KIAA1549: variants seen among roughly 807,000 people sequenced by gnomAD.
KIAA1549 encodes KIAA1549.
In KIAA1549, 70 loss-of-function variants were observed where a neutral mutation model predicts 156.4. The ratio of observed to expected loss-of-function variants is 0.45; its 90% CI spans 0.37 to 0.55. The LOEUF (loss-of-function observed/expected upper bound fraction) is 0.55. KIAA1549 is among the 20% of genes least tolerant of loss of function. The probability of loss-of-function intolerance (pLI) is 0.00; values close to 1 mark genes in which losing one functional copy is unlikely to be tolerated. For synonymous variants in KIAA1549, 1,103 were observed against 1,066.4 expected, an observed-to-expected ratio of 1.03 and a Z score of -0.67; for missense variants, 2,428 against 2,540.9, an observed-to-expected ratio of 0.96 and a Z score of 0.96.
intron 14 of KIAA1549, 60 bp downstream of exon 14, chr7:138,869,478 G>A: frequency 7.5e-7 from 1 of 1,337,194 alleles, no homozygotes; most frequent in Non-Finnish European, 1.0e-6. Flanking sequence ...TCCTGCTCCT[G>A]TGCCCCCCGC....
chr7:138,882,068 T>C (rs945835319), intron 10 of KIAA1549, among the ~76,000 whole-genome samples: 2 of 152,230 alleles, frequency 1.3e-5, no homozygotes, highest in Non-Finnish European at 2.9e-5. Context: ...CCAGTCCGTA[T>C]ATGGATGACT....
chr7:138,905,707 A>T (rs1811986814), intron 6 of KIAA1549, among the ~76,000 whole-genome samples: 2 of 145,774 alleles, frequency 1.4e-5, no homozygotes, highest in African/African-American at 2.5e-5. Context: ...GGAATCTACT[A>T]TTTTTTTTTT....
chr7:138,877,798 C>A (rs1811129859), intron 12 of KIAA1549, among the ~76,000 whole-genome samples: 1 of 152,208 alleles, frequency 6.6e-6, no homozygotes. Context: ...CCTTCACATT[C>A]AAGCTCTCGG....
intron 12 of KIAA1549, among the ~76,000 whole-genome samples, chr7:138,875,628 AAAAAAAT>A (rs200888246): frequency 6.6e-6 from 1 of 152,180 alleles, no homozygotes; most frequent in Non-Finnish European, 1.5e-5. Flanking sequence ...CTGGGTAAGC[AAAAAAAT>A]AAAAAATAAA....
intron 1 of KIAA1549, among the ~76,000 whole-genome samples, chr7:138,935,390 C>G (rs1014060924): frequency 2.0e-5 from 3 of 152,174 alleles, no homozygotes; most frequent in Admixed American, 1.3e-4. Flanking sequence ...AAATAAAATG[C>G]AATCCTCTTT....
intron 16 of KIAA1549, among the ~76,000 whole-genome samples, chr7:138,859,643 C>T (rs1487201551): frequency 1.3e-5 from 2 of 152,168 alleles, no homozygotes; most frequent in African/African-American, 4.8e-5. Flanking sequence ...TGCCTGGGGT[C>T]CCACCTGCTG....
At chr7:138,901,623 C>A (rs1040871896) in intron 8 of KIAA1549, among the ~76,000 whole-genome samples, 2 of 152,156 alleles carry the variant, frequency 1.3e-5, no homozygotes, top group African/African-American at 2.4e-5. Flanking sequence ...CTGCACCCAG[C>A]CCACTTGAGC....
Position 138,917,146 on chromosome 7 carries a change from G to A in KIAA1549, c.2480C>T (p.Ser827Phe), listed in dbSNP as rs761920829. 3.1e-6 allele frequency: 5 copies of A among 1,613,596 alleles called. No homozygotes were observed. The highest frequency in any genetic ancestry group is 4.2e-6 in the Non-Finnish European group (5 of 1,179,734). Residue 827 changes from serine to phenylalanine, a missense_variant, in exon 2 of 20, where the codon TCT becomes TTT. Around this residue, in one of 5 missense-constraint regions of KIAA1549, gnomAD observed 762 missense variants for 901.6 expected, o/e 0.85. Transcript: ENST00000422774. ...ACCAGTGGGAATGGCTTTGGAGAAA[G>A]AGGCCAGGACAGACACGTGACCGTC... Reference protein sequence around the residue: ...ALDGHVSVLASFSKAIPTGTV... With the variant: ...ALDGHVSVLAFFSKAIPTGTV...
chr7:138,938,662 G>A (rs952766981), intron 1 of KIAA1549, among the ~76,000 whole-genome samples: 1 of 152,184 alleles, frequency 6.6e-6, no homozygotes, highest in African/African-American at 2.4e-5. Context: ...TTCTAAAACT[G>A]CAGTCCCTTC....
intron 18 of KIAA1549, 42 bp from the exon 19 acceptor site, chr7:138,840,320 G>A: frequency 6.3e-7 from 1 of 1,575,712 alleles, no homozygotes; most frequent in Non-Finnish European, 8.6e-7. Flanking sequence ...ACATTTATAG[G>A]AGAGTATGGC....
chr7:138,861,560 A>C (rs1584710944), intron 15 of KIAA1549, 104 bp from the exon 16 acceptor site: 2 of 981,932 alleles, frequency 2.0e-6, no homozygotes, highest in East Asian at 5.2e-5. Flanking sequence ...GAATTAAAAA[A>C]TGACAGTTGA....
chr7:138,921,814 G>A (rs368171905), intron 1 of KIAA1549, among the ~76,000 whole-genome samples: 8 of 152,062 alleles, frequency 5.3e-5, no homozygotes, highest in Non-Finnish European at 1.2e-4. Context: ...TCAGAGAGCC[G>A]TGATTGCACC....
intron 2 of KIAA1549, among the ~76,000 whole-genome samples, chr7:138,913,907 G>A (rs766292240): frequency 7.3e-5 from 11 of 151,664 alleles, no homozygotes; most frequent in Non-Finnish European, 1.5e-4. Context: ...AAATGAAGAG[G>A]GAGGGAGAAA....
intron 1 of KIAA1549, among the ~76,000 whole-genome samples, chr7:138,949,596 A>C (rs1341474898): frequency 6.6e-6 from 1 of 152,130 alleles, no homozygotes; most frequent in African/African-American, 2.4e-5. Context: ...ACAAACACCT[A>C]AACCAGTATT....
chr7:138,922,141 ATG>A (rs1343421522), intron 1 of KIAA1549, among the ~76,000 whole-genome samples: 3 of 152,188 alleles, frequency 2.0e-5, no homozygotes, highest in Admixed American at 6.5e-5. Flanking sequence ...GGAAAAGTAT[ATG>A]TCTCAGCTCT....
intron 12 of KIAA1549, among the ~76,000 whole-genome samples, chr7:138,874,942 C>T (rs193053186): frequency 4.6e-5 from 7 of 152,204 alleles, no homozygotes; most frequent in Non-Finnish European, 1.5e-5. Context: ...CTGCAGTGAG[C>T]CATGACTGCA....
Position 138,844,386 on chromosome 7 carries a change from C to A in KIAA1549, c.5383G>T (p.Ala1795Ser). The part of the protein sequence containing the change: ...QPQASAEAPF[A>S]ARGIYSEEMP... The stretch of plus-strand genomic sequence containing the variant: ...TCCTCCGAGTAGATCCCTCTGGCAG[C>A]AAATGGGGCTTCGGCGGAGGCCTGT... The change falls in exon 18 of 20, where the codon GCT becomes TCT. Residue 1795 changes from alanine (A) to serine (S), a missense_variant. By Grantham distance (99) the Ala-to-Ser change is moderately conservative. This residue lies in a region of KIAA1549 where 363 missense variants were observed against 354.0 expected (regional missense o/e 1.03). Coordinates refer to ENST00000422774, the MANE Select transcript of KIAA1549 (RefSeq NM_001164665.2). 1 of 1,611,400 alleles carries A rather than the reference C, an allele frequency of 6.2e-7. No homozygotes were observed. Among genetic ancestry groups the A allele is most frequent in the Non-Finnish European group, 8.5e-7 (1 of 1,178,560 alleles).
chr7:138,880,286 A>G (rs1811204566), intron 11 of KIAA1549, among the ~76,000 whole-genome samples: 1 of 152,244 alleles, frequency 6.6e-6, no homozygotes, highest in African/African-American at 2.4e-5. Flanking sequence ...CCATTGAGCT[A>G]TCATGACTAA....
chr7:138,980,814 C>A (rs549553990), intron 1 of KIAA1549, among the ~76,000 whole-genome samples: 1 of 152,360 alleles, frequency 6.6e-6, no homozygotes, highest in South Asian at 2.1e-4. Context: ...GCCACCAGAC[C>A]CGCTTCGGGT....
Sources: gnomAD v4.1 joint callset for allele counts (sites outside exome capture counted in the v4.1 genomes callset) on GRCh38, gnomAD v4.1.1 for gene constraint, gnomAD v4.1.1 regional missense constraint, MANE v1.5 for transcripts, NCBI Gene and HGNC (gene_info 2026-07-23, HGNC 2026-07-21) for gene names.